The following CDK14 variants were observed in gnomAD, a reference collection of about 807,000 sequenced individuals.
CDK14 encodes the protein cyclin-dependent kinase 14.
In CDK14, 34 loss-of-function variants were observed where a neutral mutation model predicts 60.7. The ratio of observed to expected loss-of-function variants is 0.56; its 90% confidence interval spans 0.43 to 0.75. The LOEUF is 0.75. Ranked by LOEUF, CDK14 falls within the 30% of genes least tolerant of loss-of-function variation. The pLI, the probability that CDK14 is intolerant of heterozygous loss-of-function variation, is 0.00. For missense variants in CDK14, 482 were observed against 564.1 expected (o/e 0.85, Z 1.47); for synonymous variants, 197 against 203.7 (o/e 0.97, Z 0.28).
chr7:91,032,706 A>G (rs1195139495), intron 10 of CDK14, among the ~76,000 whole-genome samples: 3 of 152,168 alleles, frequency 2.0e-5, no homozygotes, highest in Non-Finnish European at 4.4e-5. Context: ...CCCTACTAAC[A>G]TCTTAGTTTC....
At chr7:90,737,634 C>A (rs915681865) in intron 3 of CDK14, among the ~76,000 whole-genome samples, 1 of 152,172 alleles carries the variant, frequency 6.6e-6, no homozygotes, top group African/African-American at 2.4e-5. Context: ...ATCAATGATG[C>A]ATTACCTTAG....
chr7:91,083,943 G>A (rs1351375633), intron 12 of CDK14, among the ~76,000 whole-genome samples: 1 of 152,180 alleles, frequency 6.6e-6, no homozygotes, highest in Non-Finnish European at 1.5e-5. Context: ...CATAGTCAAA[G>A]GCCTGACATG....
intron 2 of CDK14, chr7:90,632,398 T>C: frequency 3.7e-6 from 1 of 273,108 alleles, no homozygotes; most frequent in Non-Finnish European, 7.6e-6. Context: ...CCTCTTCTTT[T>C]TTGGAGTAAA....
rs187440821 is a variant in CDK14 at position 91,141,992 on chromosome 7, A to G, written c.*28+23784A>G. On this transcript the variant is annotated intron_variant, in intron 14 of 14. Coordinates refer to ENST00000380050, the MANE Select transcript of CDK14 (RefSeq NM_001287135.2). Reference sequence around the variant, plus strand: ...AGGCGTCCACCGTCACGCCCGGCTAAATTTTTGTATTTTTAGTAGAGACGG... The same window carrying G: ...AGGCGTCCACCGTCACGCCCGGCTAGATTTTTGTATTTTTAGTAGAGACGG... 1.8e-3 allele frequency among the ~76,000 whole-genome samples: 278 copies of G among 151,960 alleles called. 1 individual carries two copies. Among genetic ancestry groups the G allele is most frequent in the African/African-American group, 5.3e-3 (221 of 41,458 alleles).
At chr7:90,837,407 C>T (rs1302315861) in intron 5 of CDK14, among the ~76,000 whole-genome samples, 2 of 151,804 alleles carry the variant, frequency 1.3e-5, no homozygotes, top group East Asian at 1.9e-4. Flanking sequence ...CCTGCCTCAG[C>T]CTCCCGAGTA....
At chr7:90,923,849 A>G (rs1054882455) in intron 8 of CDK14, among the ~76,000 whole-genome samples, 1 of 152,256 alleles carries the variant, frequency 6.6e-6, no homozygotes. Context: ...GTTAAAATAT[A>G]GCCATGTATC....
intron 2 of CDK14, among the ~76,000 whole-genome samples, chr7:90,677,226 G>C (rs185821356): frequency 6.6e-6 from 1 of 152,100 alleles, no homozygotes; most frequent in Non-Finnish European, 1.5e-5. Context: ...TCCATGGTTC[G>C]TAGTCTTGTT....
intron 10 of CDK14, among the ~76,000 whole-genome samples, chr7:91,010,311 G>T (rs1796113785): frequency 6.6e-6 from 1 of 152,014 alleles, no homozygotes; most frequent in South Asian, 2.1e-4. Flanking sequence ...AGCCTGCTTG[G>T]TATTTAAATG....
intron 14 of CDK14, among the ~76,000 whole-genome samples, chr7:91,144,130 C>G (rs1800550502): frequency 6.6e-6 from 1 of 152,146 alleles, no homozygotes; most frequent in Non-Finnish European, 1.5e-5. Flanking sequence ...CCCCAAAACC[C>G]TTACCAGATC....
chr7:90,839,588 T>G (rs1031317904), intron 5 of CDK14, among the ~76,000 whole-genome samples: 1 of 152,168 alleles, frequency 6.6e-6, no homozygotes, highest in Non-Finnish European at 1.5e-5. Flanking sequence ...AATGGCAAAT[T>G]TGTGCCTCAG....
chr7:90,927,222 A>G (rs1793444802), intron 8 of CDK14, among the ~76,000 whole-genome samples: 1 of 151,822 alleles, frequency 6.6e-6, no homozygotes, highest in Non-Finnish European at 1.5e-5. Flanking sequence ...GCAGATTACA[A>G]CCCTGTAATC....
chr7:90,984,327 T>C lies in CDK14; in HGVS notation c.1041+86T>C, dbSNP rs1014220639. The C allele has an allele frequency of 5.0e-5, 43 of 861,706 alleles. 1 individual carries two copies. The Admixed American group carries it at 8.4e-4, about 17-fold the overall frequency. The allele number at this position is 861,706 out of a possible 1,614,324, so 53.4% of individuals were successfully genotyped here. A position where few individuals can be genotyped will look rare whatever the true frequency, so the allele number is the denominator to read the frequency against. On this transcript the variant is annotated intron_variant, in intron 10 of 14. Transcript: ENST00000380050. ...AATTCTACAGCAGTCTGTGGAAAAA[T>C]AATTTAAAACAAAATTTGTTGTCAC...
chr7:90,706,226 T>C (rs1307590647), intron 2 of CDK14, among the ~76,000 whole-genome samples: 35 of 152,212 alleles, frequency 2.3e-4, no homozygotes, highest in Admixed American at 2.3e-3. Flanking sequence ...TTGTGAATCC[T>C]GTATGACATA....
chr7:90,971,208 A>G (rs1181752094), intron 9 of CDK14, among the ~76,000 whole-genome samples: 3 of 151,760 alleles, frequency 2.0e-5, no homozygotes, highest in Admixed American at 6.6e-5. Flanking sequence ...ATTTTGTACA[A>G]GGCAGTTTGT....
At chr7:90,954,140 AACTG>A (rs1315830344) in intron 8 of CDK14, among the ~76,000 whole-genome samples, 1 of 152,164 alleles carries the variant, frequency 6.6e-6, no homozygotes, top group Non-Finnish European at 1.5e-5. Flanking sequence ...TTATTATTAA[AACTG>A]ACTGGTAGAA....
At chr7:90,711,441 T>C (rs117089045) in intron 2 of CDK14, among the ~76,000 whole-genome samples, 2,332 of 152,190 alleles carry the variant, frequency 0.015, 21 homozygotes, top group Middle Eastern at 0.027. Flanking sequence ...TCTTGTGTTT[T>C]AGCTATTCAT....
chr7:91,163,971 T>G (rs1801256023), intron 14 of CDK14, among the ~76,000 whole-genome samples: 2 of 152,198 alleles, frequency 1.3e-5, no homozygotes, highest in Non-Finnish European at 2.9e-5. Flanking sequence ...TAACACCTAC[T>G]AGTTGTGTGG....
At position 90,639,331 on chromosome 7, in the gene CDK14, A is replaced by C. The variant is rs533117831; in HGVS notation, c.123+35082A>C. Among the ~76,000 whole-genome samples, 22 of 151,916 alleles carry C rather than the reference A, an allele frequency of 1.4e-4. No homozygotes were observed. The East Asian group carries it at 3.7e-3, about 26-fold the overall frequency. Reference sequence around the variant, plus strand: ...GGTGTGGATGTCCTTTCTGTTTGTTAGTTTTCCTTCTAACAGACAGGACCC... The same window carrying C: ...GGTGTGGATGTCCTTTCTGTTTGTTCGTTTTCCTTCTAACAGACAGGACCC... On this transcript the variant is annotated intron_variant, in intron 2 of 14. Transcript: ENST00000380050.
intron 14 of CDK14, among the ~76,000 whole-genome samples, chr7:91,140,707 G>A (rs190517956): frequency 6.6e-6 from 1 of 152,254 alleles, no homozygotes; most frequent in East Asian, 1.9e-4. Context: ...ATCAGGAGTA[G>A]GAATGGTTCC....
Sources: gnomAD v4.1 joint callset for allele counts (sites outside exome capture counted in the v4.1 genomes callset) on GRCh38, gnomAD v4.1.1 for gene constraint, MANE v1.5 for transcripts, NCBI Gene and HGNC (gene_info 2026-07-23, HGNC 2026-07-21) for gene names.